Variants in RNF169 observed in about 807,000 individuals in gnomAD.
RNF169 encodes the protein ring finger protein 169, also known as E3 ubiquitin-protein ligase RNF169.
In RNF169, 24 loss-of-function variants were observed where a neutral mutation model predicts 53.9. That is an observed-to-expected ratio of 0.45 (90% confidence interval 0.32 to 0.63). RNF169 has a LOEUF of 0.63. Ranked by LOEUF, RNF169 falls within the 20% of genes least tolerant of loss-of-function variation. The pLI, the probability that RNF169 is intolerant of heterozygous loss-of-function variation, is 0.04. For missense variants in RNF169, 883 were observed against 906.2 expected, an observed-to-expected ratio of 0.97 and a Z score of 0.33; for synonymous variants, 396 against 363.5, an observed-to-expected ratio of 1.09 and a Z score of -1.02.
At chr11:74,824,351 T>C (rs964910579) in intron 4 of RNF169, among the ~76,000 whole-genome samples, 2 of 151,652 alleles carry the variant, frequency 1.3e-5, no homozygotes, top group African/African-American at 4.8e-5. Context: ...TAAAGAAAAA[T>C]AAACAGAGCC....
chr11:74,796,541 T>G (rs2035651929), intron 2 of RNF169, among the ~76,000 whole-genome samples: 1 of 152,206 alleles, frequency 6.6e-6, no homozygotes, highest in African/African-American at 2.4e-5. Context: ...TTATTTCTTC[T>G]GCTTTGCTTG....
At chr11:74,749,922 A>G (rs1192871774) in intron 1 of RNF169, among the ~76,000 whole-genome samples, 1 of 152,222 alleles carries the variant, frequency 6.6e-6, no homozygotes, top group Non-Finnish European at 1.5e-5. Flanking sequence ...TGGAAAATGT[A>G]TGCTTAGCAC....
At chr11:74,779,819 G>T (rs187258968) in intron 1 of RNF169, among the ~76,000 whole-genome samples, 2 of 152,208 alleles carry the variant, frequency 1.3e-5, no homozygotes, top group East Asian at 3.9e-4. Flanking sequence ...GTTGTTCAAG[G>T]TTTAGTGGAT....
intron 1 of RNF169, among the ~76,000 whole-genome samples, chr11:74,771,533 TG>T (rs1363368231): frequency 9.5e-5 from 14 of 147,332 alleles, no homozygotes; most frequent in African/African-American, 3.6e-4. Flanking sequence ...AGGAGACCCT[TG>T]TCTCTACAAA....
chr11:74,757,104 G>A (rs1273786128), intron 1 of RNF169, among the ~76,000 whole-genome samples: 4 of 130,862 alleles, frequency 3.1e-5, no homozygotes, highest in Non-Finnish European at 6.3e-5. Flanking sequence ...CCACTAACTC[G>A]TCATCTAGCA....
intron 1 of RNF169, among the ~76,000 whole-genome samples, chr11:74,758,020 A>T (rs2035013804): frequency 1.3e-5 from 1 of 74,756 alleles, no homozygotes; most frequent in South Asian, 4.0e-4. Flanking sequence ...CCATTTGTCA[A>T]TTTTGTCTTT....
intron 2 of RNF169, among the ~76,000 whole-genome samples, chr11:74,792,084 T>C (rs2035587627): frequency 6.6e-6 from 1 of 152,262 alleles, no homozygotes; most frequent in South Asian, 2.1e-4. Context: ...CTCTGATCTT[T>C]GCTTGTAAAT....
chr11:74,838,112 G>T lies in RNF169; in HGVS notation c.*1382G>T, dbSNP rs768401722. On this transcript the variant is annotated 3_prime_UTR_variant, in exon 6 of 6. Transcript: ENST00000299563. Reference sequence around the variant, plus strand: ...CAGTGCCATTGGTGAAAGCATTTCTGGAACTGTCTTCAAAGACTAGAAACA... The same window carrying T: ...CAGTGCCATTGGTGAAAGCATTTCTTGAACTGTCTTCAAAGACTAGAAACA... 1.3e-5 allele frequency: 2 copies of T among 152,120 alleles called. No homozygotes were observed. Among genetic ancestry groups the T allele is most frequent in the Non-Finnish European group, 2.9e-5 (2 of 68,010 alleles). The allele number at this position is 152,120 out of a possible 1,614,324, so 9.4% of individuals were successfully genotyped here. A position where few individuals can be genotyped will look rare whatever the true frequency, so the allele number is the denominator to read the frequency against.
chr11:74,793,048 A>G (rs939016744), intron 2 of RNF169, among the ~76,000 whole-genome samples: 2 of 152,236 alleles, frequency 1.3e-5, no homozygotes, highest in Non-Finnish European at 2.9e-5. Context: ...CTATTCAGCA[A>G]TAAAAAGGAG....
chr11:74,818,895 GCT>G (rs147111329), intron 4 of RNF169, among the ~76,000 whole-genome samples: 201 of 152,162 alleles, frequency 1.3e-3, no homozygotes, highest in Middle Eastern at 3.4e-3. Flanking sequence ...TGAGACAGGA[GCT>G]CTCTCTGTTG....
chr11:74,809,516 C>T lies in RNF169; in HGVS notation c.577-668C>T, dbSNP rs994966905. Among the ~76,000 whole-genome samples, 28 of 152,178 alleles carry T rather than the reference C, an allele frequency of 1.8e-4. 1 individual carries two copies. The highest frequency in any genetic ancestry group is 4.4e-5 in the Non-Finnish European group (3 of 68,044). On this transcript the variant is annotated intron_variant, in intron 2 of 5. Transcript: ENST00000299563. Reference sequence around the variant, plus strand: ...CCTCCCCAAAATAAAGAGCATATCTCTCTGCCATAAATTTCTTTGTACAGC... The same window carrying T: ...CCTCCCCAAAATAAAGAGCATATCTTTCTGCCATAAATTTCTTTGTACAGC...
chr11:74,806,919 T>C (rs1325122657), intron 2 of RNF169, among the ~76,000 whole-genome samples: 1 of 152,106 alleles, frequency 6.6e-6, no homozygotes, highest in Non-Finnish European at 1.5e-5. Flanking sequence ...TGTGTGTATA[T>C]TATGCTTTGA....
intron 1 of RNF169, among the ~76,000 whole-genome samples, chr11:74,786,216 G>A (rs1386114433): frequency 6.6e-6 from 1 of 151,162 alleles, no homozygotes; most frequent in Non-Finnish European, 1.5e-5. Context: ...TGGGATTACA[G>A]GCGTGAGCCA....
chr11:74,810,181 T>C lies in RNF169; in HGVS notation c.577-3T>C. 6.2e-7 allele frequency: 1 copy of C among 1,603,678 alleles called. No individual in the cohort carries two copies. The highest frequency in any genetic ancestry group is 1.1e-5 in the South Asian group (1 of 89,232). On this transcript the variant is annotated splice_region_variant and splice_polypyrimidine_tract_variant and intron_variant, in intron 2 of 5. Transcript: ENST00000299563. ...ACTGTGTTTGCATAATTTATATTTTTAGCTGAGAGAAGAAAAGTTACAAGA... is the reference window on the plus strand; with the variant it reads ...ACTGTGTTTGCATAATTTATATTTTCAGCTGAGAGAAGAAAAGTTACAAGA...
intron 2 of RNF169, among the ~76,000 whole-genome samples, chr11:74,791,030 A>G (rs747992369): frequency 2.0e-5 from 3 of 152,350 alleles, no homozygotes; most frequent in Non-Finnish European, 4.4e-5. Context: ...AGAAAGAGGT[A>G]CGTGGACAAC....
At position 74,834,764 on chromosome 11, in the gene RNF169, A is replaced by G. The variant is rs1482442250; in HGVS notation, c.931A>G (p.Asn311Asp). ...AKSRVRAVPG[N>D]KAKVTTMTPA... ...GAGCAGAGTCAGAGCAGTTCCAGGC[A>G]ACAAAGCCAAGGTACACCTCAGCCA... Residue 311 changes from asparagine to aspartate, a missense_variant, in exon 5 of 6, where the codon AAC (asparagine) becomes GAC (aspartate). Asn to Asp is a conservative substitution (Grantham distance 23). This residue lies in a region of RNF169 where 219 missense variants were observed against 289.1 expected (regional missense o/e 0.76). Transcript: ENST00000299563. The G allele has an allele frequency of 6.2e-7, 1 of 1,613,794 alleles. No homozygotes were observed. The highest frequency in any genetic ancestry group is 8.5e-7 in the Non-Finnish European group (1 of 1,179,784).
intron 1 of RNF169, 92 bp downstream of exon 1, chr11:74,749,474 C>A: frequency 1.1e-6 from 1 of 945,104 alleles, no homozygotes; most frequent in Non-Finnish European, 1.3e-6. Flanking sequence ...CCGGGCCCTA[C>A]TCGGGCGGGT....
Position 74,836,065 on chromosome 11 carries a change from C to A in RNF169, c.1462C>A (p.Gln488Lys). The A allele has an allele frequency of 1.2e-6, 2 of 1,614,154 alleles. No individual in the cohort carries two copies. The highest frequency in any genetic ancestry group is 1.7e-6 in the Non-Finnish European group (2 of 1,180,038). The change falls in exon 6 of 6, where the codon CAG (glutamine) becomes AAG (lysine). Residue 488 changes from glutamine (Q) to lysine (K), a missense_variant. Transcript: ENST00000299563. The stretch of plus-strand genomic sequence containing the variant: ...TGTAAATACAAGATTATCTGGTGGG[C>A]AGGTCCTCTCTGAGTATACTGGACC... ...VAVNTRLSGG[Q>K]VLSEYTGPTS...
rs542311941 is a variant in RNF169 at position 74,802,932 on chromosome 11, G to A, written c.577-7252G>A. Among the ~76,000 whole-genome samples the A allele has an allele frequency of 4.6e-5, 7 of 151,238 alleles. No homozygotes were observed. In the South Asian group the frequency reaches 1.3e-3, roughly 27 times the overall value. ...TGAACACAAGTAATTTTTTTTGGGG[G>A]GGGGTGGGGACGGAGTCTTGCTCTG... On this transcript the variant is annotated intron_variant, in intron 2 of 5. Transcript: ENST00000299563.
Sources: allele counts gnomAD v4.1 joint callset (sites outside exome capture counted in the v4.1 genomes callset), GRCh38; gene constraint gnomAD v4.1.1; regional missense constraint gnomAD v4.1.1; transcripts MANE v1.5; gene names NCBI Gene and HGNC (gene_info 2026-07-23, HGNC 2026-07-21).